Variants in PARP8 observed in about 807,000 individuals in gnomAD.
The protein encoded by PARP8 is protein mono-ADP-ribosyltransferase PARP8.
In PARP8, 51 loss-of-function variants were observed where a neutral mutation model predicts 124.1. That is an observed-to-expected ratio of 0.41 (90% confidence interval 0.33 to 0.52). The LOEUF (loss-of-function observed/expected upper bound fraction) is 0.52. PARP8 is among the 20% of genes least tolerant of loss of function. The probability of loss-of-function intolerance (pLI) is 0.21; values close to 1 mark genes in which losing one functional copy is unlikely to be tolerated. For synonymous variants in PARP8, 391 were observed against 361.5 expected (o/e 1.08, Z -0.93); for missense variants, 860 against 1,018.9 (o/e 0.84, Z 2.12).
intron 2 of PARP8, 63 bp from the exon 3 acceptor site, chr5:50,750,088 T>C: frequency 1.5e-6 from 2 of 1,333,226 alleles, no homozygotes; most frequent in South Asian, 1.2e-5. Flanking sequence ...TTTGTCTTTT[T>C]TTTATAAAAG....
chr5:50,708,328 G>A (rs1754375837), intron 2 of PARP8, among the ~76,000 whole-genome samples: 1 of 151,898 alleles, frequency 6.6e-6, no homozygotes, highest in Non-Finnish European at 1.5e-5. Context: ...TCTCTTTTCT[G>A]GATGCCATAT....
intron 2 of PARP8, among the ~76,000 whole-genome samples, chr5:50,700,790 G>T (rs1207842056): frequency 6.6e-6 from 1 of 152,106 alleles, no homozygotes; most frequent in African/African-American, 2.4e-5. Context: ...ATGTAGTAAT[G>T]CTAACTCAGC....
At chr5:50,826,537 C>T (rs1429104749) in intron 18 of PARP8, among the ~76,000 whole-genome samples, 1 of 152,010 alleles carries the variant, frequency 6.6e-6, no homozygotes, top group Non-Finnish European at 1.5e-5. Context: ...GGAACAACTT[C>T]CTAGTGTGTT....
At chr5:50,778,241 G>T in intron 8 of PARP8, 112 bp downstream of exon 8, 1 of 787,046 alleles carries the variant, frequency 1.3e-6, no homozygotes, top group South Asian at 2.0e-5. Flanking sequence ...GTTACATATT[G>T]ACTGTTAAGG....
At chr5:50,826,686 C>T in intron 18 of PARP8, 69 bp from the exon 19 acceptor site, 1 of 1,500,850 alleles carries the variant, frequency 6.7e-7, no homozygotes, top group East Asian at 2.6e-5. Context: ...TAATCGGTTG[C>T]CAACTAAGAA....
intron 2 of PARP8, among the ~76,000 whole-genome samples, chr5:50,680,424 A>G (rs750036147): frequency 7.2e-5 from 11 of 152,014 alleles, no homozygotes; most frequent in Non-Finnish European, 1.0e-4. Context: ...TTTACTGTCT[A>G]TTTGTCTCTC....
intron 6 of PARP8, among the ~76,000 whole-genome samples, chr5:50,762,520 T>G (rs1760651368): frequency 2.6e-5 from 4 of 152,180 alleles, no homozygotes; most frequent in Admixed American, 2.6e-4. Context: ...TTCTATAAAC[T>G]CCTTGAGCAA....
intron 25 of PARP8, among the ~76,000 whole-genome samples, chr5:50,835,228 C>T (rs1747433618): frequency 6.6e-6 from 1 of 152,038 alleles, no homozygotes; most frequent in African/African-American, 2.4e-5. Flanking sequence ...TGAAAAACAC[C>T]TGTTAACTTA....
chr5:50,703,219 T>G (rs1183233723), intron 2 of PARP8, among the ~76,000 whole-genome samples: 1 of 151,104 alleles, frequency 6.6e-6, no homozygotes, highest in Non-Finnish European at 1.5e-5. Context: ...GGAGATCGCT[T>G]GAGCCCAAGA....
At chr5:50,829,650 T>G (rs1746729130) in intron 21 of PARP8, among the ~76,000 whole-genome samples, 1 of 152,240 alleles carries the variant, frequency 6.6e-6, no homozygotes, top group Non-Finnish European at 1.5e-5. Flanking sequence ...GTGTACTTTA[T>G]AATAAATGAT....
intron 2 of PARP8, among the ~76,000 whole-genome samples, chr5:50,680,932 C>G (rs946924637): frequency 1.3e-5 from 2 of 152,110 alleles, no homozygotes; most frequent in African/African-American, 4.8e-5. Flanking sequence ...TTTTGTTACC[C>G]TACTTGACAA....
chr5:50,775,837 A>G (rs1739950730), intron 7 of PARP8, among the ~76,000 whole-genome samples: 1 of 152,162 alleles, frequency 6.6e-6, no homozygotes, highest in South Asian at 2.1e-4. Context: ...CATGTCATCC[A>G]CAAACAGGAA....
chr5:50,841,458 G>A (rs1000477209), intron 25 of PARP8, among the ~76,000 whole-genome samples: 6 of 151,798 alleles, frequency 4.0e-5, no homozygotes, highest in African/African-American at 1.5e-4. Flanking sequence ...ACTAAATAGT[G>A]CGACCAGTGA....
chr5:50,760,487 A>C, intron 5 of PARP8, 125 bp downstream of exon 5: 1 of 770,556 alleles, frequency 1.3e-6, no homozygotes, highest in Non-Finnish European at 1.8e-6. Flanking sequence ...AACTCAAGCT[A>C]ATGGCTCAGG....
At chr5:50,711,346 A>G (rs575687639) in intron 2 of PARP8, among the ~76,000 whole-genome samples, 3 of 152,208 alleles carry the variant, frequency 2.0e-5, no homozygotes, top group Admixed American at 1.3e-4. Flanking sequence ...ATAAAAGCCT[A>G]TTAGTTTAAT....
At chr5:50,765,186 CAG>C (rs1204492453) in intron 7 of PARP8, among the ~76,000 whole-genome samples, 4 of 151,682 alleles carry the variant, frequency 2.6e-5, no homozygotes, top group Non-Finnish European at 5.9e-5. Flanking sequence ...CGCTTGAACT[CAG>C]GGGGCGGAGG....
intron 6 of PARP8, 49 bp from the exon 7 acceptor site, chr5:50,763,099 T>C: frequency 6.8e-7 from 1 of 1,461,444 alleles, no homozygotes; most frequent in South Asian, 1.2e-5. Flanking sequence ...GCTTAAGTTT[T>C]TGATTCTGTT....
At chr5:50,675,304 T>C (rs1579908470) in intron 2 of PARP8, among the ~76,000 whole-genome samples, 2 of 152,206 alleles carry the variant, frequency 1.3e-5, no homozygotes, top group East Asian at 3.9e-4. Context: ...CATTGTTTTA[T>C]TGTTTATTTT....
At chr5:50,840,690 A>T (rs1239020962) in intron 25 of PARP8, among the ~76,000 whole-genome samples, 1 of 151,806 alleles carries the variant, frequency 6.6e-6, no homozygotes, top group Non-Finnish European at 1.5e-5. Flanking sequence ...CTGAGGTGTG[A>T]TTCATGTATA....
Sources: allele counts gnomAD v4.1 joint callset (sites outside exome capture counted in the v4.1 genomes callset), GRCh38; gene constraint gnomAD v4.1.1; transcripts MANE v1.5; gene names NCBI Gene and HGNC (gene_info 2026-07-23, HGNC 2026-07-21).